The following DNAAF5 variants were observed in gnomAD, a reference collection of about 807,000 sequenced individuals.
The protein encoded by DNAAF5 is dynein axonemal assembly factor 5, also known as HEAT repeat containing 2.
Under a neutral mutation model 75.8 loss-of-function variants are expected in DNAAF5, and 64 were observed. The ratio of observed to expected loss-of-function variants is 0.84; its 90% CI spans 0.69 to 1.04. DNAAF5 has a LOEUF of 1.04. Ranked by LOEUF, DNAAF5 falls within the 50% of genes least tolerant of loss-of-function variation. The probability of loss-of-function intolerance (pLI) is 0.00; values close to 1 mark genes in which losing one functional copy is unlikely to be tolerated. For missense variants in DNAAF5, 1,269 were observed against 1,178.5 expected (o/e 1.08, Z -1.12); for synonymous variants, 657 against 557.2 (o/e 1.18, Z -2.52).
At chr7:784,608 C>T (rs1583531019) in intron 12 of DNAAF5, among the ~76,000 whole-genome samples, 1 of 152,182 alleles carries the variant, frequency 6.6e-6, no homozygotes, top group Non-Finnish European at 1.5e-5. Flanking sequence ...GCCCCTGACA[C>T]GTTTGCCTTC....
At chr7:761,246 A>G (rs1206431449) in intron 6 of DNAAF5, among the ~76,000 whole-genome samples, 1 of 92,856 alleles carries the variant, frequency 1.1e-5, no homozygotes, top group African/African-American at 3.3e-5. Flanking sequence ...CCCTACCTCC[A>G]GCGCCTGGGG....
rs191675803 is a variant in DNAAF5, at chr7:730,456, G to A, written c.780+609G>A. 1.8e-4 allele frequency among the ~76,000 whole-genome samples: 28 copies of A among 152,312 alleles called. 1 individual carries two copies. Among genetic ancestry groups the A allele is most frequent in the South Asian group, 2.1e-4 (1 of 4,822 alleles). ...TTCTGTCTCTGAGTTACCTGTCATC[G>A]TAGTCAGACATGTGATCTTTTGTGT... On this transcript the variant is annotated intron_variant, in intron 2 of 12. Transcript: ENST00000297440.
chr7:761,241 C>T (rs929480935), intron 6 of DNAAF5, among the ~76,000 whole-genome samples: 7 of 99,460 alleles, frequency 7.0e-5, no homozygotes, highest in Admixed American at 2.0e-4. Flanking sequence ...CGGCACCCTA[C>T]CTCCAGCGCC....
At chr7:737,943 T>A (rs1781787552) in intron 2 of DNAAF5, among the ~76,000 whole-genome samples, 1 of 152,242 alleles carries the variant, frequency 6.6e-6, no homozygotes, top group Non-Finnish European at 1.5e-5. Context: ...TGTACTTCAG[T>A]GCTGGTATCT....
At chr7:784,831 ACT>A (rs1489922647) in intron 12 of DNAAF5, among the ~76,000 whole-genome samples, 3 of 151,980 alleles carry the variant, frequency 2.0e-5, no homozygotes, top group African/African-American at 7.3e-5. Flanking sequence ...CCACCTGAAG[ACT>A]CTGCAGGACA....
In DNAAF5 at chr7:775,089, C is replaced by T; in HGVS notation, c.2166C>T (p.Cys722=). The part of the protein sequence containing the change: ...EDSKMTRLIS[C]RIINTFLKTS... Reference sequence around the variant, plus strand: ...CGAAGATGACGCGACTGATCTCATGCCGTATTATCAACACGTTCTTAAAAA... The same window carrying T: ...CGAAGATGACGCGACTGATCTCATGTCGTATTATCAACACGTTCTTAAAAA... Residue 722 remains cysteine (C), a synonymous_variant, in exon 11 of 13, where the codon TGC becomes TGT. Coordinates refer to ENST00000297440, the MANE Select transcript of DNAAF5 (RefSeq NM_017802.4). The T allele has an allele frequency of 6.2e-7, 1 of 1,614,008 alleles. No homozygotes were observed. The highest frequency in any genetic ancestry group is 8.5e-7 in the Non-Finnish European group (1 of 1,179,974).
At chr7:740,964 G>T in intron 3 of DNAAF5, 21 bp downstream of exon 3, 1 of 1,609,878 alleles carries the variant, frequency 6.2e-7, no homozygotes, top group South Asian at 1.1e-5. Context: ...AGGCGGCCGC[G>T]GGCCTTGTCT....
intron 2 of DNAAF5, 60 bp downstream of exon 2, chr7:729,907 C>T: frequency 1.3e-6 from 2 of 1,495,378 alleles, no homozygotes; most frequent in Admixed American, 1.7e-5. Flanking sequence ...GGCTGACGTG[C>T]TGTTTTTAAC....
intron 2 of DNAAF5, among the ~76,000 whole-genome samples, chr7:730,262 A>G (rs952812048): frequency 1.3e-5 from 2 of 152,050 alleles, no homozygotes; most frequent in Non-Finnish European, 2.9e-5. Flanking sequence ...TTTGGAACCC[A>G]CCAAGAGACG....
intron 12 of DNAAF5, among the ~76,000 whole-genome samples, chr7:784,343 G>A (rs1779081517): frequency 6.6e-6 from 1 of 152,130 alleles, no homozygotes; most frequent in African/African-American, 2.4e-5. Context: ...CCGAACCCTG[G>A]GCCGCTACCC....
Position 764,126 on chromosome 7 carries a change from G to A in DNAAF5, c.1783+152G>A, listed in dbSNP as rs1782750227. On this transcript the variant is annotated intron_variant, in intron 8 of 12. Coordinates refer to ENST00000297440, the MANE Select transcript of DNAAF5 (RefSeq NM_017802.4). Reference sequence around the variant, plus strand: ...AAGTACCCAATAGTCACTCTTGCCTGGGGAGAAGCAGCATTTTAAGGAGCA... The same window carrying A: ...AAGTACCCAATAGTCACTCTTGCCTAGGGAGAAGCAGCATTTTAAGGAGCA... 10 of 798,710 alleles carry A rather than the reference G, an allele frequency of 1.3e-5. No individual in the cohort carries two copies. The South Asian group carries it at 1.4e-4, about 11-fold the overall frequency. 49.5% of individuals were successfully genotyped at this position (798,710 alleles called of 1,614,324 possible). A position where few individuals can be genotyped will look rare whatever the true frequency, so the allele number is the denominator to read the frequency against.
In DNAAF5 at chr7:740,878, C is replaced by T. The variant is rs199992201; in HGVS notation, c.840C>T (p.Tyr280=). The T allele has an allele frequency of 4.5e-5, 72 of 1,614,064 alleles. No homozygotes were observed. In the Middle Eastern group the frequency reaches 9.9e-4, roughly 22 times the overall value. ...GGCTGCTGTGTCTGCGTGACCGTTACTCCTTCTTCCACAAGCTCATCCCTC... is the reference window on the plus strand; with the variant it reads ...GGCTGCTGTGTCTGCGTGACCGTTATTCCTTCTTCCACAAGCTCATCCCTC... ...GGWLLCLRDR[Y]SFFHKLIPLL... The change falls in exon 3 of 13, where the codon TAC becomes TAT. Residue 280 remains tyrosine (Y), a synonymous_variant. Coordinates refer to ENST00000297440, the MANE Select transcript of DNAAF5 (RefSeq NM_017802.4).
At chr7:782,100 A>C (rs1012628840) in intron 12 of DNAAF5, among the ~76,000 whole-genome samples, 1 of 152,234 alleles carries the variant, frequency 6.6e-6, no homozygotes, top group African/African-American at 2.4e-5. Context: ...CGGTTATGCG[A>C]TGTCGGATCT....
At chr7:729,888 A>T (rs1781512072) in intron 2 of DNAAF5, 41 bp downstream of exon 2, 1 of 1,596,280 alleles carries the variant, frequency 6.3e-7, no homozygotes, top group Non-Finnish European at 8.6e-7. Context: ...CCTCTCTCCA[A>T]CACAGGCGGG....
Position 740,809 on chromosome 7 carries a change from T to C in DNAAF5, c.781-10T>C. 2 of 1,613,410 alleles carry C rather than the reference T, an allele frequency of 1.2e-6. No homozygotes were observed. The highest frequency in any genetic ancestry group is 1.7e-6 in the Non-Finnish European group (2 of 1,180,012). ...CTACACGAATCCTTATCCCTTCCTCTCATGCGCAGGTCCGGCGGGCGGTGG... is the reference window on the plus strand; with the variant it reads ...CTACACGAATCCTTATCCCTTCCTCCCATGCGCAGGTCCGGCGGGCGGTGG... On this transcript the variant is annotated splice_polypyrimidine_tract_variant and intron_variant, in intron 2 of 12. Coordinates refer to ENST00000297440, the MANE Select transcript of DNAAF5 (RefSeq NM_017802.4).
rs1023962976 is a variant in DNAAF5, at chr7:737,899, T to A, written c.781-2920T>A. ...GTTAAATGTCTTGAGGTAGTTTTAT[T>A]GGGTTAAATCTGGTTGGTGTTCTGT... is the stretch of plus-strand genomic sequence containing the variant. On this transcript the variant is annotated intron_variant, in intron 2 of 12. Transcript: ENST00000297440. Among the ~76,000 whole-genome samples, 23 of 152,368 alleles carry A rather than the reference T, an allele frequency of 1.5e-4. 1 individual carries two copies. Among genetic ancestry groups the A allele is most frequent in the Admixed American group, 1.4e-3 (22 of 15,310 alleles).
rs189144672 is a variant in DNAAF5 at position 733,754 on chromosome 7, A to G, written c.780+3907A>G. ...CGTGATCCGACTGCCTCAGCCTCCC[A>G]AAGTGCTGGGATTACAGGTGTGAGC... On this transcript the variant is annotated intron_variant, in intron 2 of 12. Transcript: ENST00000297440. Among the ~76,000 whole-genome samples the G allele has an allele frequency of 2.6e-5, 4 of 152,338 alleles. No individual in the cohort carries two copies. The East Asian group carries it at 7.7e-4, about 29-fold the overall frequency.
rs67721251 is a variant in DNAAF5, at chr7:785,477, T to C, written c.2432-40T>C. On this transcript the variant is annotated intron_variant, in intron 12 of 12. Coordinates refer to ENST00000297440, the MANE Select transcript of DNAAF5 (RefSeq NM_017802.4). ...CACGAGAGGTAAGATTGGTTTCATGTTTGTTTCTGGCATGTTCAAGGTGTT... is the reference window on the plus strand; with the variant it reads ...CACGAGAGGTAAGATTGGTTTCATGCTTGTTTCTGGCATGTTCAAGGTGTT... 0.81 allele frequency: 1,293,201 copies of C among 1,598,576 alleles called. 526,044 individuals are homozygous for C. Among genetic ancestry groups the C allele is most frequent in the South Asian group, 0.86 (77,681 of 90,438 alleles).
At chr7:782,693 G>A (rs1192177200) in intron 12 of DNAAF5, among the ~76,000 whole-genome samples, 3 of 90,148 alleles carry the variant, frequency 3.3e-5, no homozygotes, top group African/African-American at 4.9e-5. Flanking sequence ...GCCGCCTCCC[G>A]TCACGCAGCG....
Sources: gnomAD v4.1 joint callset for allele counts (sites outside exome capture counted in the v4.1 genomes callset) on GRCh38, gnomAD v4.1.1 for gene constraint, MANE v1.5 for transcripts, NCBI Gene and HGNC (gene_info 2026-07-23, HGNC 2026-07-21) for gene names.